The following IL1RAPL1 variants were observed in gnomAD, a reference collection of about 807,000 sequenced individuals.
IL1RAPL1 encodes the protein interleukin 1 receptor accessory protein like 1, also known as interleukin-1 receptor accessory protein-like 1.
A neutral mutation model predicts 48.4 loss-of-function variants in IL1RAPL1; 3 were observed. That is an observed-to-expected ratio of 0.06 (90% CI 0.03 to 0.16). The LOEUF (loss-of-function observed/expected upper bound fraction) is 0.16. Ranked by LOEUF, IL1RAPL1 falls within the 10% of genes least tolerant of loss-of-function variation. IL1RAPL1 has a pLI of 1.00. For missense variants in IL1RAPL1, 349 were observed against 530.6 expected, an observed-to-expected ratio of 0.66 and a Z score of 3.36; for synonymous variants, 185 against 187.7, an observed-to-expected ratio of 0.99 and a Z score of 0.12.
chrX:29,929,031 G>A (rs935105425), intron 8 of IL1RAPL1, among the ~76,000 whole-genome samples: 1 of 111,213 alleles, frequency 9.0e-6, no homozygotes, highest in African/African-American at 3.3e-5. Flanking sequence ...TCTATTTTTA[G>A]CATGTGTTCT....
chrX:29,465,296 C>G (rs189550366), intron 5 of IL1RAPL1, among the ~76,000 whole-genome samples: 37 of 110,643 alleles, frequency 3.3e-4, no homozygotes, highest in African/African-American at 1.2e-3. Flanking sequence ...GTCCTAAGTA[C>G]TTTGGAGGCT....
At chrX:29,791,677 G>A (rs1254124956) in intron 6 of IL1RAPL1, among the ~76,000 whole-genome samples, 11 of 106,924 alleles carry the variant, frequency 1.0e-4, no homozygotes, top group Non-Finnish European at 1.7e-4. Flanking sequence ...ACCCGCCTTG[G>A]CCTCCCAAAG....
intron 2 of IL1RAPL1, among the ~76,000 whole-genome samples, chrX:29,257,117 C>G (rs1312899938): frequency 9.0e-6 from 1 of 111,481 alleles, no homozygotes; most frequent in Admixed American, 9.5e-5. Context: ...ATATAAACAG[C>G]TCACAGAGAT....
At chrX:28,677,116 GATA>G (rs1935006778) in intron 1 of IL1RAPL1, among the ~76,000 whole-genome samples, 1 of 111,908 alleles carries the variant, frequency 8.9e-6, no homozygotes. Context: ...TTTATTGTAT[GATA>G]ATGAGACAGA....
chrX:29,530,082 A>G (rs1430529844), intron 5 of IL1RAPL1, among the ~76,000 whole-genome samples: 3 of 112,328 alleles, frequency 2.7e-5, no homozygotes, highest in Non-Finnish European at 3.8e-5. Context: ...TACAACTTGA[A>G]TCCAATCAAA....
chrX:28,701,398 T>A (rs1396879859), intron 1 of IL1RAPL1, among the ~76,000 whole-genome samples: 1 of 111,872 alleles, frequency 8.9e-6, no homozygotes, highest in Non-Finnish European at 1.9e-5. Flanking sequence ...TGTTATTGCA[T>A]TGTTATGCCA....
chrX:29,513,534 G>A (rs909149314), intron 5 of IL1RAPL1, among the ~76,000 whole-genome samples: 1 of 111,835 alleles, frequency 8.9e-6, no homozygotes, highest in African/African-American at 3.2e-5. Context: ...ACAGTTCTGA[G>A]CCTGGTTTCG....
chrX:29,820,351 A>G (rs1357107271), intron 6 of IL1RAPL1, among the ~76,000 whole-genome samples: 1 of 111,326 alleles, frequency 9.0e-6, no homozygotes, highest in Non-Finnish European at 1.9e-5. Flanking sequence ...TTTTTATATT[A>G]CTGTTTTTAG....
At chrX:29,690,117 G>A (rs984107369) in intron 6 of IL1RAPL1, among the ~76,000 whole-genome samples, 1 of 111,655 alleles carries the variant, frequency 9.0e-6, no homozygotes, top group Non-Finnish European at 1.9e-5. Context: ...TTGACAGATA[G>A]GAGTCAAAGA....
intron 2 of IL1RAPL1, among the ~76,000 whole-genome samples, chrX:29,168,268 T>A (rs148905121): frequency 0.019 from 2,098 of 108,320 alleles, 41 homozygotes; most frequent in African/African-American, 0.066. Flanking sequence ...TAGTGTGTAA[T>A]AGAATAGCAA....
intron 6 of IL1RAPL1, among the ~76,000 whole-genome samples, chrX:29,838,906 T>A (rs1931073646): frequency 8.9e-6 from 1 of 111,835 alleles, no homozygotes; most frequent in African/African-American, 3.3e-5. Context: ...CCAGATTGGG[T>A]AGGTAGGCTG....
chrX:29,065,247 ATG>A (rs1037570114), intron 2 of IL1RAPL1, among the ~76,000 whole-genome samples: 2 of 106,867 alleles, frequency 1.9e-5, no homozygotes, highest in African/African-American at 6.9e-5. Flanking sequence ...TTGTGTGGGG[ATG>A]TCTTTACTTC....
chrX:29,512,668 C>T (rs1294805813), intron 5 of IL1RAPL1, among the ~76,000 whole-genome samples: 1 of 111,914 alleles, frequency 8.9e-6, no homozygotes, highest in Non-Finnish European at 1.9e-5. Context: ...TTGCATACAA[C>T]TTAGCACTTG....
intron 3 of IL1RAPL1, among the ~76,000 whole-genome samples, chrX:29,286,442 G>A (rs1257700707): frequency 9.0e-6 from 1 of 111,688 alleles, no homozygotes; most frequent in Non-Finnish European, 1.9e-5. Context: ...AGCACTTTGG[G>A]AGGCAGAGGC....
intron 2 of IL1RAPL1, among the ~76,000 whole-genome samples, chrX:29,226,440 CTTTCT>C (rs1337142306): frequency 4.2e-5 from 3 of 72,227 alleles, no homozygotes; most frequent in Non-Finnish European, 2.9e-5. Context: ...TTTTTTCTTT[CTTTCT>C]TTTTTTTTTT....
At chrX:29,917,672 G>A (rs2147237916) in intron 7 of IL1RAPL1, 76 bp downstream of exon 7, 2 of 928,424 alleles carry the variant, frequency 2.2e-6, no homozygotes, top group Non-Finnish European at 3.0e-6. Flanking sequence ...TAAGCTGAAA[G>A]GATTTTTTTT....
intron 5 of IL1RAPL1, among the ~76,000 whole-genome samples, chrX:29,454,143 T>C (rs750723809): frequency 2.7e-5 from 3 of 112,522 alleles, no homozygotes; most frequent in Non-Finnish European, 5.6e-5. Context: ...TGGAGCAATA[T>C]GCTTTGATAA....
At position 29,063,813 on chromosome X, in the gene IL1RAPL1, A is replaced by G. The variant is rs113248469; in HGVS notation, c.83-219125A>G. Among the ~76,000 whole-genome samples, 624 of 112,215 alleles carry G rather than the reference A, an allele frequency of 5.6e-3. 5 individuals carry two copies. The highest frequency in any genetic ancestry group is 0.017 in the African/African-American group (528 of 30,882). The stretch of plus-strand genomic sequence containing the variant: ...TGTCTGGTTCTGACATATTTTTAAA[A>G]TTCAGTGCTTCCCCAACACCTGTAA... On this transcript the variant is annotated intron_variant, in intron 2 of 10. Transcript: ENST00000378993.
At chrX:29,681,479 T>G (rs985434261) in intron 6 of IL1RAPL1, among the ~76,000 whole-genome samples, 1 of 112,262 alleles carries the variant, frequency 8.9e-6, no homozygotes, top group African/African-American at 3.2e-5. Context: ...GGGCAAATTC[T>G]CTTTAGCAAT....
Sources: allele counts gnomAD v4.1 joint callset (sites outside exome capture counted in the v4.1 genomes callset), GRCh38; gene constraint gnomAD v4.1.1; transcripts MANE v1.5; gene names NCBI Gene and HGNC (gene_info 2026-07-23, HGNC 2026-07-21).